Variants in MID1 observed in about 807,000 individuals in gnomAD.
The protein encoded by MID1 is E3 ubiquitin-protein ligase Midline-1.
MID1 carries 7 observed loss-of-function variants against 40.4 expected under a neutral mutation model. The observed-to-expected ratio is 0.17, with a 90% CI of 0.10 to 0.33. The LOEUF is 0.33. Among genes scored for constraint, MID1 ranks in the 10% least tolerant of loss-of-function variants. The pLI is 1.00. For synonymous variants in MID1, 229 were observed against 221.2 expected, an observed-to-expected ratio of 1.04 and a Z score of -0.31; for missense variants, 367 against 558.5, an observed-to-expected ratio of 0.66 and a Z score of 3.46.
At chrX:10,563,527 T>C (rs1934418854) in intron 2 of MID1, among the ~76,000 whole-genome samples, 1 of 112,149 alleles carries the variant, frequency 8.9e-6, no homozygotes, top group African/African-American at 3.2e-5. Context: ...AAATCAAATT[T>C]TTCCTCCAAG....
chrX:10,586,985 A>G (rs540586238), intron 1 of MID1, among the ~76,000 whole-genome samples: 2 of 112,787 alleles, frequency 1.8e-5, no homozygotes, highest in Admixed American at 1.9e-4. Context: ...GTAGTTTACT[A>G]ATCTACATTT....
intron 2 of MID1, among the ~76,000 whole-genome samples, chrX:10,548,999 T>A (rs2147426814): frequency 8.9e-6 from 1 of 112,309 alleles, no homozygotes; most frequent in African/African-American, 3.2e-5. Flanking sequence ...TTAGCTGATT[T>A]TTTTTTCTTG....
intron 1 of MID1, among the ~76,000 whole-genome samples, chrX:10,655,639 C>G (rs2042865700): frequency 9.0e-6 from 1 of 110,936 alleles, no homozygotes; most frequent in African/African-American, 3.3e-5. Flanking sequence ...CTCTTTGAAT[C>G]TGGGTGTGGC....
At chrX:10,695,219 G>T (rs923124101) in intron 1 of MID1, among the ~76,000 whole-genome samples, 8 of 111,627 alleles carry the variant, frequency 7.2e-5, no homozygotes, top group African/African-American at 9.8e-5. Context: ...CCACCTCCTG[G>T]GCTCAAGCAA....
At chrX:10,489,408 T>C (rs1930805359) in intron 4 of MID1, among the ~76,000 whole-genome samples, 1 of 112,523 alleles carries the variant, frequency 8.9e-6, no homozygotes, top group Non-Finnish European at 1.9e-5. Flanking sequence ...AAGTCTTGTA[T>C]ATAATGTGAA....
At chrX:10,579,680 C>G (rs1050402134) in intron 1 of MID1, among the ~76,000 whole-genome samples, 2 of 111,577 alleles carry the variant, frequency 1.8e-5, no homozygotes, top group Admixed American at 9.6e-5. Flanking sequence ...ACCTCCTGAT[C>G]TTAAAAAGTA....
intron 1 of MID1, among the ~76,000 whole-genome samples, chrX:10,775,027 G>T (rs757764951): frequency 9.3e-6 from 1 of 107,767 alleles, no homozygotes; most frequent in Admixed American, 1.0e-4. Context: ...TATATAATCA[G>T]TGGGTTTTTT....
At chrX:10,553,855 G>A (rs969146368) in intron 2 of MID1, among the ~76,000 whole-genome samples, 1 of 112,061 alleles carries the variant, frequency 8.9e-6, no homozygotes, top group Non-Finnish European at 1.9e-5. Flanking sequence ...CAGGGAGCCT[G>A]TGTGTCAAAA....
rs369268740 is a variant in MID1 at position 10,812,206 on chromosome X, C to T, written c.-187+21348G>A. Among the ~76,000 whole-genome samples the T allele has an allele frequency of 2.9e-4, 32 of 111,174 alleles. No individual in the cohort carries two copies. The South Asian group carries it at 0.011, about 37-fold the overall frequency. ...TGGGGGCAGTTTTGACAGGGTGATG[C>T]GGTGGGAGGCAGGCTATGGTGGGAA... On this transcript the variant is annotated intron_variant, in intron 1 of 10. Transcript: ENST00000380785.
At chrX:10,727,543 A>AT (rs1228861187) in intron 1 of MID1, among the ~76,000 whole-genome samples, 3 of 112,012 alleles carry the variant, frequency 2.7e-5, no homozygotes, top group Non-Finnish European at 5.6e-5. Context: ...GAACTTCGCA[A>AT]TTTTTTTTCA....
At chrX:10,694,932 T>C (rs2043152883) in intron 1 of MID1, among the ~76,000 whole-genome samples, 1 of 111,052 alleles carries the variant, frequency 9.0e-6, no homozygotes, top group South Asian at 3.8e-4. Flanking sequence ...TAAATGATAA[T>C]AGCCCCTCCC....
chrX:10,537,154 C>T (rs1330192171), intron 2 of MID1, among the ~76,000 whole-genome samples: 2 of 110,877 alleles, frequency 1.8e-5, no homozygotes, highest in Admixed American at 9.6e-5. Context: ...GAAGTTGCTC[C>T]CAGTGTATTC....
chrX:10,807,037 A>G (rs2044053055), intron 1 of MID1, among the ~76,000 whole-genome samples: 1 of 111,785 alleles, frequency 8.9e-6, no homozygotes, highest in Non-Finnish European at 1.9e-5. Flanking sequence ...TGAGGTCAGG[A>G]GTTCAAGACT....
chrX:10,573,163 T>C (rs1899015327), intron 1 of MID1, among the ~76,000 whole-genome samples: 1 of 112,665 alleles, frequency 8.9e-6, no homozygotes, highest in African/African-American at 3.2e-5. Context: ...AATTAATAAG[T>C]AGATGTTTTG....
At position 10,583,955 on chromosome X, in the gene MID1, C is replaced by T. The variant is rs891401217; in HGVS notation, c.-56-16352G>A. ...CTGAGGCAGGAGAATTGCTTGAACCCGGGCGGCAGAGGTTGCGGTGAGCAG... is the reference window on the plus strand; with the variant it reads ...CTGAGGCAGGAGAATTGCTTGAACCTGGGCGGCAGAGGTTGCGGTGAGCAG... On this transcript the variant is annotated intron_variant, in intron 1 of 9. Coordinates refer to ENST00000317552, the MANE Select transcript of MID1 (RefSeq NM_000381.4). Among the ~76,000 whole-genome samples, 3 of 109,768 alleles carry T rather than the reference C, an allele frequency of 2.7e-5. No homozygotes were observed. The East Asian group carries it at 8.5e-4, about 31-fold the overall frequency.
At chrX:10,499,257 G>T (rs1279696707) in intron 3 of MID1, among the ~76,000 whole-genome samples, 1 of 111,479 alleles carries the variant, frequency 9.0e-6, no homozygotes, top group Non-Finnish European at 1.9e-5. Context: ...TTGGAGATAT[G>T]ACTATTCGGA....
rs57101806 is a variant in MID1, at chrX:10,516,560, TTGTGTGTGTGTG to T, written c.756+6520_756+6531del. On this transcript the variant is annotated intron_variant, in intron 3 of 9. Coordinates refer to ENST00000317552, the MANE Select transcript of MID1 (RefSeq NM_000381.4). Reference sequence around the variant, plus strand: ...CTGTCTTGGCCTTCATACTCTGCTCTTGTGTGTGTGTGTGTGTGTGTGTGTGTGTGTGTGTGT... The same window carrying T: ...CTGTCTTGGCCTTCATACTCTGCTCTTGTGTGTGTGTGTGTGTGTGTGTGT... 1.0e-3 allele frequency among the ~76,000 whole-genome samples: 77 copies of T among 73,348 alleles called. 1 individual carries two copies. The highest frequency in any genetic ancestry group is 1.5e-3 in the Non-Finnish European group (62 of 40,018). 63.7% of individuals were successfully genotyped at this position (73,348 alleles called of 115,157 possible).
intron 1 of MID1, among the ~76,000 whole-genome samples, chrX:10,710,797 A>G (rs1270422643): frequency 1.8e-5 from 2 of 111,819 alleles, no homozygotes; most frequent in Admixed American, 1.9e-4. Context: ...TTGTCTTCTT[A>G]CATAATCCAT....
intron 1 of MID1, among the ~76,000 whole-genome samples, chrX:10,632,115 C>T: frequency 8.9e-6 from 1 of 112,025 alleles, no homozygotes; most frequent in East Asian, 2.8e-4. Flanking sequence ...AGCTAGTTTT[C>T]ATTTTATTTA....
Sources: allele counts gnomAD v4.1 joint callset (sites outside exome capture counted in the v4.1 genomes callset), GRCh38; gene constraint gnomAD v4.1.1; transcripts MANE v1.5; gene names NCBI Gene and HGNC (gene_info 2026-07-23, HGNC 2026-07-21).